FAM13A: variants seen among roughly 807,000 people sequenced by gnomAD.
FAM13A encodes the protein protein FAM13A.
FAM13A carries 76 observed loss-of-function variants against 129.6 expected under a neutral mutation model. The ratio of observed to expected loss-of-function variants is 0.59; its 90% CI spans 0.49 to 0.71. The LOEUF (loss-of-function observed/expected upper bound fraction) is 0.71. FAM13A is among the 30% of genes least tolerant of loss of function. The pLI is 0.00. For synonymous variants in FAM13A, 443 were observed against 449.9 expected, an observed-to-expected ratio of 0.98 and a Z score of 0.20; for missense variants, 1,108 against 1,249.3, an observed-to-expected ratio of 0.89 and a Z score of 1.70.
intron 6 of FAM13A, among the ~76,000 whole-genome samples, chr4:88,888,551 C>G (rs1744809692): frequency 6.6e-6 from 1 of 152,118 alleles, no homozygotes; most frequent in Non-Finnish European, 1.5e-5. Flanking sequence ...ACCAACTAAG[C>G]AACTACCACT....
At chr4:88,862,304 G>A (rs1414640344) in intron 6 of FAM13A, among the ~76,000 whole-genome samples, 2 of 152,130 alleles carry the variant, frequency 1.3e-5, no homozygotes, top group African/African-American at 4.8e-5. Context: ...TTCTGACGTA[G>A]GCAGAGAGAG....
intron 11 of FAM13A, among the ~76,000 whole-genome samples, chr4:88,773,724 A>G (rs1721145067): frequency 6.6e-6 from 1 of 152,160 alleles, no homozygotes; most frequent in Non-Finnish European, 1.5e-5. Flanking sequence ...AAAGACTTCC[A>G]AAATTATTTA....
At chr4:88,841,821 C>G (rs755504073) in intron 7 of FAM13A, among the ~76,000 whole-genome samples, 2 of 152,112 alleles carry the variant, frequency 1.3e-5, no homozygotes, top group Non-Finnish European at 2.9e-5. Flanking sequence ...GAAAGGAATG[C>G]AAAATCAGGC....
At chr4:89,015,318 C>G (rs2149095252) in intron 3 of FAM13A, among the ~76,000 whole-genome samples, 1 of 152,262 alleles carries the variant, frequency 6.6e-6, no homozygotes, top group East Asian at 1.9e-4. Context: ...CTCTGTGACC[C>G]ACACCCTATT....
chr4:88,921,297 G>C (rs1304470006), intron 5 of FAM13A, among the ~76,000 whole-genome samples: 1 of 152,294 alleles, frequency 6.6e-6, no homozygotes, highest in Middle Eastern at 3.4e-3. Context: ...AGGGCAGCCA[G>C]AGAGAAAGGT....
intron 3 of FAM13A, among the ~76,000 whole-genome samples, chr4:89,004,981 G>T (rs980291465): frequency 7.0e-4 from 105 of 150,574 alleles, no homozygotes; most frequent in African/African-American, 2.3e-3. Context: ...TCATGTCATG[G>T]TTTTTTTTTT....
chr4:88,961,347 C>CTTTTTTTTTTTTTTTTTTT lies in FAM13A; in HGVS notation c.606-23125_606-23107dup, dbSNP rs773764813. Among the ~76,000 whole-genome samples the CTTTTTTTTTTTTTTTTTTT allele has an allele frequency of 5.4e-5, 3 of 55,442 alleles. 1 individual carries two copies. The highest frequency in any genetic ancestry group is 2.6e-4 in the Admixed American group (1 of 3,806). 36.4% of individuals were successfully genotyped at this position (55,442 alleles called of 152,430 possible). ...AAATCCTCAGCTTTGTGGAATTTGC[C>CTTTTTTTTTTTTTTTTTTT]TTTTTTTTTTTTTTTTTTTTTTTTT... On this transcript the variant is annotated intron_variant, in intron 4 of 23. Transcript: ENST00000264344.
chr4:88,977,634 A>T (rs182206918), intron 4 of FAM13A, among the ~76,000 whole-genome samples: 103 of 152,338 alleles, frequency 6.8e-4, no homozygotes, highest in Admixed American at 2.0e-3. Context: ...CACATATATT[A>T]CAATCAAGCA....
intron 14 of FAM13A, among the ~76,000 whole-genome samples, chr4:88,755,375 C>T (rs1223978469): frequency 6.6e-6 from 1 of 152,142 alleles, no homozygotes; most frequent in Non-Finnish European, 1.5e-5. Context: ...CTCATTTAAT[C>T]CTTGCAATAA....
At chr4:89,016,188 T>TAA (rs36022028) in intron 3 of FAM13A, among the ~76,000 whole-genome samples, 3 of 120,610 alleles carry the variant, frequency 2.5e-5, no homozygotes, top group East Asian at 5.2e-4. Flanking sequence ...TGCCTTAGTT[T>TAA]AAAAAAAAAA....
chr4:88,920,511 T>G (rs2148712202), intron 5 of FAM13A, among the ~76,000 whole-genome samples: 1 of 152,202 alleles, frequency 6.6e-6, no homozygotes, highest in East Asian at 1.9e-4. Flanking sequence ...GAAGGAAAAC[T>G]AATAAACAGA....
intron 6 of FAM13A, among the ~76,000 whole-genome samples, chr4:88,852,635 T>C (rs906602087): frequency 1.3e-5 from 2 of 151,882 alleles, no homozygotes; most frequent in Admixed American, 6.5e-5. Flanking sequence ...CCTCCTATTG[T>C]TTATCTCTTT....
At chr4:88,977,789 G>A (rs1761104901) in intron 4 of FAM13A, among the ~76,000 whole-genome samples, 1 of 152,104 alleles carries the variant, frequency 6.6e-6, no homozygotes, top group Admixed American at 6.5e-5. Flanking sequence ...ACTAATAGCT[G>A]CGTAATAAAG....
In FAM13A at chr4:89,057,148, C is replaced by G; in HGVS notation, c.-184G>C. 1 of 1,438,646 alleles carries G rather than the reference C, an allele frequency of 7.0e-7. No homozygotes were observed. 89.1% of individuals were successfully genotyped at this position (1,438,646 alleles called of 1,614,324 possible). On this transcript the variant is annotated 5_prime_UTR_variant, in exon 1 of 24. Coordinates refer to ENST00000264344, the MANE Select transcript of FAM13A (RefSeq NM_014883.4). ...AGGAAGAGTGGTTTTGCTTCTCTTTCCGCTGAACCCACATGGCTGGAAGGA... is the reference window on the plus strand; with the variant it reads ...AGGAAGAGTGGTTTTGCTTCTCTTTGCGCTGAACCCACATGGCTGGAAGGA...
chr4:88,997,206 T>C (rs575762628), intron 3 of FAM13A, among the ~76,000 whole-genome samples: 7 of 152,296 alleles, frequency 4.6e-5, no homozygotes, highest in Non-Finnish European at 7.4e-5. Context: ...AAAACTAGGA[T>C]CATATGTTAT....
chr4:89,024,404 T>C (rs935607502), intron 2 of FAM13A, among the ~76,000 whole-genome samples: 2 of 152,206 alleles, frequency 1.3e-5, no homozygotes, highest in African/African-American at 2.4e-5. Flanking sequence ...ATAATGTATA[T>C]ACCTTTAAAT....
At chr4:88,881,202 T>C (rs1351100329) in intron 6 of FAM13A, among the ~76,000 whole-genome samples, 2 of 152,146 alleles carry the variant, frequency 1.3e-5, no homozygotes, top group African/African-American at 2.4e-5. Context: ...AAACTACAAC[T>C]AAGGACTCTC....
intron 3 of FAM13A, among the ~76,000 whole-genome samples, chr4:89,009,764 G>A (rs553526528): frequency 6.6e-6 from 1 of 152,172 alleles, no homozygotes; most frequent in East Asian, 1.9e-4. Context: ...AGGAGAAAAG[G>A]GTTGACAAAC....
At chr4:88,863,329 AATACATGGAGGTG>A (rs1739833515) in intron 6 of FAM13A, among the ~76,000 whole-genome samples, 1 of 80,428 alleles carries the variant, frequency 1.2e-5, no homozygotes, top group South Asian at 3.1e-4. Flanking sequence ...CAGGTTGGTG[AATACATGGAGGTG>A]CTGCGAGGGT....
Sources: allele counts gnomAD v4.1 joint callset (sites outside exome capture counted in the v4.1 genomes callset), GRCh38; gene constraint gnomAD v4.1.1; transcripts MANE v1.5; gene names NCBI Gene and HGNC (gene_info 2026-07-23, HGNC 2026-07-21).